NOP58: variants seen among roughly 807,000 people sequenced by gnomAD.
NOP58 encodes nucleolar protein 58.
Under a neutral mutation model 71.2 loss-of-function variants are expected in NOP58, and 44 were observed. The observed-to-expected ratio is 0.62, with a 90% CI of 0.49 to 0.79. The LOEUF (loss-of-function observed/expected upper bound fraction) is 0.79, where lower values mean the gene tolerates loss of function less well. NOP58 is among the 30% of genes least tolerant of loss of function. The pLI, the probability that NOP58 is intolerant of heterozygous loss-of-function variation, is 0.00. For missense variants in NOP58, 538 were observed against 620.2 expected, an observed-to-expected ratio of 0.87 and a Z score of 1.41; for synonymous variants, 228 against 200.3, an observed-to-expected ratio of 1.14 and a Z score of -1.17.
chr2:202,265,782 G>A lies in NOP58; in HGVS notation c.-160G>A. 1 of 707,882 alleles carries A rather than the reference G, an allele frequency of 1.4e-6. No homozygotes were observed. The highest frequency in any genetic ancestry group is 2.4e-6 in the Non-Finnish European group (1 of 410,328). The allele number at this position is 707,882 out of a possible 1,614,324, so 43.9% of individuals were successfully genotyped here. ...TGCGTCCTAGTTCCAGTACAGCGTG[G>A]AGGGTTTAGGCAGCGTGTTCTGATT... On this transcript the variant is annotated 5_prime_UTR_variant, in exon 1 of 15. Transcript: ENST00000264279.
At chr2:202,270,261 A>G (rs1688495471) in intron 1 of NOP58, among the ~76,000 whole-genome samples, 1 of 152,206 alleles carries the variant, frequency 6.6e-6, no homozygotes, top group Admixed American at 6.5e-5. Context: ...TAAGTGGAGT[A>G]GTATTTTAGT....
Position 202,284,479 on chromosome 2 carries a change from C to G in NOP58, c.432C>G (p.His144Gln). The change falls in exon 5 of 15, where the codon CAC becomes CAG. Residue 144 changes from histidine (H) to glutamine (Q), a missense_variant and splice_region_variant. Coordinates refer to ENST00000264279, the MANE Select transcript of NOP58 (RefSeq NM_015934.5). Reference sequence around the variant, plus strand: ...CAGCTATGTGTCTTGGATTGGCTCACAGGTGAGAATTACTGGAAAATAAAG... The same window carrying G: ...CAGCTATGTGTCTTGGATTGGCTCAGAGGTGAGAATTACTGGAAAATAAAG... ...EMAAMCLGLA[H>Q]SLSRYRLKFS... is the part of the protein sequence containing the mutation. 1.2e-6 allele frequency: 2 copies of G among 1,611,904 alleles called. No homozygotes were observed. The highest frequency in any genetic ancestry group is 1.7e-6 in the Non-Finnish European group (2 of 1,179,480).
intron 10 of NOP58, 68 bp downstream of exon 10, chr2:202,295,905 C>G (rs970563600): frequency 2.1e-5 from 27 of 1,298,088 alleles, no homozygotes; most frequent in Middle Eastern, 2.0e-4. Context: ...CATTTTTCTT[C>G]TACTCTGTAG....
At chr2:202,288,550 G>A (rs186625533) in intron 6 of NOP58, among the ~76,000 whole-genome samples, 16 of 152,112 alleles carry the variant, frequency 1.1e-4, no homozygotes, top group Admixed American at 2.0e-4. Flanking sequence ...TTCGGCCGTG[G>A]CTCACGCCTG....
intron 1 of NOP58, among the ~76,000 whole-genome samples, chr2:202,273,016 C>T (rs1295450644): frequency 3.3e-5 from 5 of 151,972 alleles, no homozygotes; most frequent in Non-Finnish European, 5.9e-5. Context: ...CGCCTGTAGT[C>T]CTGGAGGCTG....
rs114497974 is a variant in NOP58, at chr2:202,280,295, G to A, written c.176-2056G>A. Among the ~76,000 whole-genome samples the A allele has an allele frequency of 4.7e-3, 713 of 152,130 alleles. 8 individuals are homozygous for A. Among genetic ancestry groups the A allele is most frequent in the African/African-American group, 0.016 (663 of 41,510 alleles). ...ATGGGCAGGAATTTAAGATCAGCCT[G>A]GGCAATATAGCAAGACCCCCTCTCA... is the stretch of plus-strand genomic sequence containing the variant. On this transcript the variant is annotated intron_variant, in intron 3 of 14. Transcript: ENST00000264279.
intron 1 of NOP58, among the ~76,000 whole-genome samples, chr2:202,267,581 T>G (rs1477637330): frequency 6.6e-6 from 1 of 152,194 alleles, no homozygotes; most frequent in Non-Finnish European, 1.5e-5. Context: ...TTATCTAAAT[T>G]ACCATGTAGA....
intron 1 of NOP58, among the ~76,000 whole-genome samples, chr2:202,272,739 A>G (rs1688530568): frequency 6.6e-6 from 1 of 152,236 alleles, no homozygotes; most frequent in South Asian, 2.1e-4. Flanking sequence ...GAGGACATGT[A>G]TCAAATAGGG....
Position 202,303,107 on chromosome 2 carries a change from A to G in NOP58, c.1539+50A>G, listed in dbSNP as rs548932278. The G allele has an allele frequency of 6.9e-5, 107 of 1,559,648 alleles. No homozygotes were observed. The South Asian group carries it at 1.2e-3, about 18-fold the overall frequency. ...TTTCACTTGGAGGGGCCAGTTCTCTATATTTCAATCTATTTTCTATATCAG... is the reference window on the plus strand; with the variant it reads ...TTTCACTTGGAGGGGCCAGTTCTCTGTATTTCAATCTATTTTCTATATCAG... On this transcript the variant is annotated intron_variant, in intron 14 of 14. Coordinates refer to ENST00000264279, the MANE Select transcript of NOP58 (RefSeq NM_015934.5).
rs1688869097 is a variant in NOP58, at chr2:202,290,545, AG to A, written c.634+89del. 1.1e-5 allele frequency: 13 copies of A among 1,213,098 alleles called. No individual in the cohort carries two copies. In the East Asian group the frequency reaches 3.1e-4, roughly 29 times the overall value. 75.1% of individuals were successfully genotyped at this position (1,213,098 alleles called of 1,614,324 possible). On this transcript the variant is annotated intron_variant, in intron 7 of 14. Transcript: ENST00000264279. ...ATGACGTATAGCATTTTGTTAAGCA[AG>A]ATTCCCAGGGTTTTTGCAATTTCTG... is the stretch of plus-strand genomic sequence containing the variant.
At chr2:202,299,584 A>C (rs924456390) in intron 12 of NOP58, among the ~76,000 whole-genome samples, 1 of 152,156 alleles carries the variant, frequency 6.6e-6, no homozygotes, top group Non-Finnish European at 1.5e-5. Context: ...AAAACAGAAC[A>C]TTTTTTAGCT....
At chr2:202,289,128 GAAAA>G (rs946540678) in intron 6 of NOP58, among the ~76,000 whole-genome samples, 1 of 144,678 alleles carries the variant, frequency 6.9e-6, no homozygotes, top group African/African-American at 2.5e-5. Flanking sequence ...TCCAAAAAAA[GAAAA>G]AAAAAAGCGC....
At chr2:202,301,314 A>T (rs970005275) in intron 13 of NOP58, among the ~76,000 whole-genome samples, 10 of 152,078 alleles carry the variant, frequency 6.6e-5, no homozygotes, top group African/African-American at 2.2e-4. Context: ...CCTCTTGAGT[A>T]GCTGTGATTA....
chr2:202,278,912 A>T (rs1347647950), intron 3 of NOP58, among the ~76,000 whole-genome samples: 1 of 152,316 alleles, frequency 6.6e-6, no homozygotes, highest in East Asian at 1.9e-4. Flanking sequence ...GCAGAGGGGT[A>T]GGCTGAAGGA....
At chr2:202,290,982 T>C (rs537651160) in intron 7 of NOP58, 143 bp from the exon 8 acceptor site, 38 of 648,126 alleles carry the variant, frequency 5.9e-5, no homozygotes, top group African/African-American at 7.4e-5. Flanking sequence ...AAAACTGTTA[T>C]ACTAGGTCAA....
chr2:202,284,738 A>C (rs142648365), intron 5 of NOP58: 4 of 381,394 alleles, frequency 1.0e-5, no homozygotes, highest in African/African-American at 8.3e-5. Flanking sequence ...CATCAAAGGA[A>C]TTCTCTACTA....
At chr2:202,286,041 G>C (rs557617648) in intron 5 of NOP58, among the ~76,000 whole-genome samples, 1 of 151,898 alleles carries the variant, frequency 6.6e-6, no homozygotes, top group Admixed American at 6.6e-5. Flanking sequence ...AATTAGCCGG[G>C]CACAGTGGCG....
chr2:202,284,528 C>T (rs766133823), intron 5 of NOP58, 47 bp downstream of exon 5: 44 of 1,592,344 alleles, frequency 2.8e-5, no homozygotes, highest in Middle Eastern at 1.7e-4. Context: ...ATTTGATAAG[C>T]GCTTAACATA....
At chr2:202,282,295 G>T in intron 3 of NOP58, 56 bp from the exon 4 acceptor site, 2 of 1,511,708 alleles carry the variant, frequency 1.3e-6, no homozygotes, top group South Asian at 1.2e-5. Context: ...CTAGGGCAAG[G>T]TCTCAAAGTT....
Sources: allele counts gnomAD v4.1 joint callset (sites outside exome capture counted in the v4.1 genomes callset), GRCh38; gene constraint gnomAD v4.1.1; transcripts MANE v1.5; gene names NCBI Gene and HGNC (gene_info 2026-07-23, HGNC 2026-07-21).